The following MALRD1 variants were observed in gnomAD, a reference collection of about 807,000 sequenced individuals.
MALRD1 encodes MAM and LDL receptor class A domain containing 1.
In MALRD1, 247 loss-of-function variants were observed where a neutral mutation model predicts 242.1. The observed-to-expected ratio is 1.02, with a 90% CI of 0.92 to 1.13. MALRD1 has a LOEUF of 1.13. MALRD1 is among the 50% of genes most tolerant of loss of function. The pLI is 0.00. For missense variants in MALRD1, 2,989 were observed against 2,533.1 expected (o/e 1.18, Z -3.86); for synonymous variants, 995 against 866.6 (o/e 1.15, Z -2.60).
intron 20 of MALRD1, 21 bp from the exon 21 acceptor site, chr10:19,282,998 C>G (rs1456244556): frequency 1.3e-6 from 2 of 1,490,788 alleles, no homozygotes; most frequent in African/African-American, 2.8e-5. Flanking sequence ...CTCACCTTTT[C>G]TTTGTTCTAC....
At chr10:19,387,889 G>A (rs1238729041) in intron 27 of MALRD1, 116 bp downstream of exon 27, 2 of 1,301,976 alleles carry the variant, frequency 1.5e-6, no homozygotes, top group Non-Finnish European at 2.1e-6. Flanking sequence ...GTATTGCAAG[G>A]CGATCAAACA....
Position 19,507,400 on chromosome 10 carries a change from C to T in MALRD1, c.5320+8754C>T, listed in dbSNP as rs11010201. Among the ~76,000 whole-genome samples, 5 of 151,656 alleles carry T rather than the reference C, an allele frequency of 3.3e-5. No individual in the cohort carries two copies. The East Asian group carries it at 5.8e-4, about 18-fold the overall frequency. On this transcript the variant is annotated intron_variant, in intron 31 of 39. Transcript: ENST00000454679. ...AAAAATCGTTCCCACAAAGTATGAA[C>T]GTGATCAAATCTAGTGAAAAAACCT...
intron 33 of MALRD1, among the ~76,000 whole-genome samples, chr10:19,582,397 G>A (rs1268755260): frequency 1.6e-4 from 24 of 146,530 alleles, no homozygotes; most frequent in Non-Finnish European, 2.3e-4. Context: ...ATTGATTTTT[G>A]TATAAGGTGT....
chr10:19,250,125 A>G (rs910382678), intron 18 of MALRD1, among the ~76,000 whole-genome samples: 3 of 152,012 alleles, frequency 2.0e-5, no homozygotes, highest in African/African-American at 7.2e-5. Flanking sequence ...GAATTTTAAA[A>G]CTATGCTTCC....
At chr10:19,683,478 T>C (rs1842457412) in intron 36 of MALRD1, among the ~76,000 whole-genome samples, 1 of 152,288 alleles carries the variant, frequency 6.6e-6, no homozygotes, top group South Asian at 2.1e-4. Flanking sequence ...AGTTCGTAAA[T>C]AGGAAACTGA....
chr10:19,280,763 G>A (rs2131880037), intron 20 of MALRD1, among the ~76,000 whole-genome samples: 1 of 152,262 alleles, frequency 6.6e-6, no homozygotes, highest in South Asian at 2.1e-4. Flanking sequence ...TTTCCTAAAT[G>A]GATCAAAGAC....
chr10:19,529,875 A>G (rs1834275536), intron 31 of MALRD1, among the ~76,000 whole-genome samples: 3 of 152,064 alleles, frequency 2.0e-5, no homozygotes, highest in Non-Finnish European at 1.5e-5. Flanking sequence ...ACATTACATA[A>G]CATTATGTAG....
chr10:19,129,045 G>GC (rs879918048), intron 8 of MALRD1, among the ~76,000 whole-genome samples: 141 of 152,062 alleles, frequency 9.3e-4, no homozygotes, highest in Middle Eastern at 3.4e-3. Context: ...CCAGATGCAT[G>GC]TTTTTTTTCC....
chr10:19,668,377 A>G (rs1342456031), intron 36 of MALRD1, among the ~76,000 whole-genome samples: 1 of 152,156 alleles, frequency 6.6e-6, no homozygotes, highest in Admixed American at 6.5e-5. Flanking sequence ...GCACCAAGAA[A>G]GGGAGGTTGG....
At chr10:19,585,477 A>G (rs1248941363) in intron 33 of MALRD1, among the ~76,000 whole-genome samples, 1 of 151,688 alleles carries the variant, frequency 6.6e-6, no homozygotes, top group Non-Finnish European at 1.5e-5. Flanking sequence ...TTTCTCCTTC[A>G]TTTATGAAGC....
At chr10:19,639,625 G>A (rs1840296505) in intron 36 of MALRD1, among the ~76,000 whole-genome samples, 2 of 152,154 alleles carry the variant, frequency 1.3e-5, no homozygotes, top group African/African-American at 2.4e-5. Flanking sequence ...GTTAGTGTGA[G>A]AAATGACAGA....
chr10:19,306,648 C>T (rs1842222312), intron 21 of MALRD1, among the ~76,000 whole-genome samples: 1 of 150,794 alleles, frequency 6.6e-6, no homozygotes, highest in South Asian at 2.1e-4. Context: ...AGTCTGTTCT[C>T]ATGCTGCTGA....
At chr10:19,473,102 T>C (rs1836574520) in intron 29 of MALRD1, among the ~76,000 whole-genome samples, 1 of 82,500 alleles carries the variant, frequency 1.2e-5, no homozygotes, top group Non-Finnish European at 2.6e-5. Context: ...ATGTGAAAGC[T>C]TGTTCATAAC....
chr10:19,298,079 C>A (rs979351674), intron 21 of MALRD1, among the ~76,000 whole-genome samples: 1 of 151,972 alleles, frequency 6.6e-6, no homozygotes, highest in African/African-American at 2.4e-5. Flanking sequence ...TCATGGTCTG[C>A]AGACTGCACA....
In MALRD1 at chr10:19,700,021, GACACACAC is replaced by G. The variant is rs58040272; in HGVS notation, c.6314+7500_6314+7507del. On this transcript the variant is annotated intron_variant, in intron 38 of 39. Coordinates refer to ENST00000454679, the MANE Select transcript of MALRD1 (RefSeq NM_001142308.3). ...AAGGGTCCCAAGTGAAATTGATTTA[GACACACAC>G]ACACACACACACACACACACACACA... Among the ~76,000 whole-genome samples, 236 of 141,268 alleles carry G rather than the reference GACACACAC, an allele frequency of 1.7e-3. 1 individual carries two copies. The highest frequency in any genetic ancestry group is 4.3e-3 in the African/African-American group (166 of 38,374). 92.7% of individuals were successfully genotyped at this position (141,268 alleles called of 152,430 possible). A position where few individuals can be genotyped will look rare whatever the true frequency, so the allele number is the denominator to read the frequency against.
In MALRD1 at chr10:19,144,421, G is replaced by A. The variant is rs957842879; in HGVS notation, c.1412-1777G>A. ...TCAGATCTAAAGGTTCAGTTTGCAT[G>A]TAGAGAAATCGGAAGTGGCATTGTC... On this transcript the variant is annotated intron_variant, in intron 10 of 39. Transcript: ENST00000454679. Among the ~76,000 whole-genome samples the A allele has an allele frequency of 4.6e-5, 7 of 152,346 alleles. No individual in the cohort carries two copies. In the East Asian group the frequency reaches 1.4e-3, roughly 29 times the overall value.
chr10:19,087,604 A>G (rs1034007007), intron 2 of MALRD1, among the ~76,000 whole-genome samples: 5 of 151,472 alleles, frequency 3.3e-5, no homozygotes, highest in African/African-American at 9.7e-5. Context: ...TATGGGGTAC[A>G]TGAGATGTTT....
chr10:19,353,116 C>G (rs1844469229), intron 26 of MALRD1, among the ~76,000 whole-genome samples: 1 of 151,980 alleles, frequency 6.6e-6, no homozygotes, highest in Non-Finnish European at 1.5e-5. Flanking sequence ...AATTGATCCT[C>G]CCGCCTCAGC....
At chr10:19,716,408 C>A (rs1473373830) in intron 38 of MALRD1, among the ~76,000 whole-genome samples, 3 of 152,088 alleles carry the variant, frequency 2.0e-5, no homozygotes, top group Non-Finnish European at 4.4e-5. Flanking sequence ...TGTGTGGCAC[C>A]TGCCCCAACT....
Sources: gnomAD v4.1 joint callset for allele counts (sites outside exome capture counted in the v4.1 genomes callset) on GRCh38, gnomAD v4.1.1 for gene constraint, MANE v1.5 for transcripts, NCBI Gene and HGNC (gene_info 2026-07-23, HGNC 2026-07-21) for gene names.